USH2A: variants seen among roughly 807,000 people sequenced by gnomAD.
USH2A encodes Usher syndrome 2A (autosomal recessive, mild).
A neutral mutation model predicts 538.9 loss-of-function variants in USH2A; 443 were observed. The ratio of observed to expected loss-of-function variants is 0.82; its 90% CI spans 0.76 to 0.89. USH2A has a LOEUF of 0.89. USH2A is among the 40% of genes least tolerant of loss of function. The pLI, the probability that USH2A is intolerant of heterozygous loss-of-function variation, is 0.00. For synonymous variants in USH2A, 2,413 were observed against 2,273.5 expected (o/e 1.06, Z -1.75); for missense variants, 6,633 against 6,324.8 (o/e 1.05, Z -1.65).
intron 14 of USH2A, among the ~76,000 whole-genome samples, chr1:216,230,792 C>T (rs2035661054): frequency 6.6e-6 from 1 of 151,934 alleles, no homozygotes; most frequent in South Asian, 2.1e-4. Flanking sequence ...TTTCTGAGTT[C>T]AGCACACACT....
chr1:216,046,193 T>A (rs1370831514), intron 32 of USH2A, among the ~76,000 whole-genome samples: 1 of 152,054 alleles, frequency 6.6e-6, no homozygotes, highest in Non-Finnish European at 1.5e-5. Context: ...CTTTAAATCA[T>A]CTCTAGATTC....
intron 22 of USH2A, among the ~76,000 whole-genome samples, chr1:216,095,791 G>A (rs1250609134): frequency 2.6e-5 from 4 of 152,138 alleles, no homozygotes; most frequent in Non-Finnish European, 5.9e-5. Flanking sequence ...AATAGGCCCT[G>A]CCTTTTCTCT....
intron 44 of USH2A, among the ~76,000 whole-genome samples, chr1:215,864,936 A>G (rs1326753632): frequency 2.0e-5 from 3 of 152,208 alleles, no homozygotes; most frequent in East Asian, 1.9e-4. Flanking sequence ...GACAAAGACC[A>G]TGCTTTAAAA....
intron 3 of USH2A, among the ~76,000 whole-genome samples, chr1:216,389,104 G>T (rs1010856218): frequency 2.0e-5 from 3 of 152,150 alleles, no homozygotes; most frequent in Non-Finnish European, 1.5e-5. Context: ...GTTCTTGGAT[G>T]AAAGTGACTA....
At chr1:215,786,560 T>C in intron 52 of USH2A, 110 bp downstream of exon 52, 3 of 1,184,414 alleles carry the variant, frequency 2.5e-6, no homozygotes, top group Non-Finnish European at 3.7e-6. Flanking sequence ...TGATGGAATG[T>C]ACTGATATCA....
At chr1:216,028,591 T>G (rs758015013) in intron 32 of USH2A, among the ~76,000 whole-genome samples, 2 of 151,944 alleles carry the variant, frequency 1.3e-5, no homozygotes, top group Non-Finnish European at 2.9e-5. Context: ...TGACTACAAG[T>G]TTTAAAAATG....
chr1:216,357,145 T>G (rs1408759612), intron 4 of USH2A, among the ~76,000 whole-genome samples: 1 of 152,132 alleles, frequency 6.6e-6, no homozygotes, highest in Non-Finnish European at 1.5e-5. Flanking sequence ...TTTTAATTAA[T>G]CAGCAGTTTT....
At chr1:216,043,361 T>C (rs2030371592) in intron 32 of USH2A, among the ~76,000 whole-genome samples, 1 of 152,134 alleles carries the variant, frequency 6.6e-6, no homozygotes, top group Middle Eastern at 3.4e-3. Flanking sequence ...GCTTCATATC[T>C]TAAACTATTT....
At position 216,403,980 on chromosome 1, in the gene USH2A, C is replaced by T. The variant is rs185957703; in HGVS notation, c.651+14534G>A. Among the ~76,000 whole-genome samples the T allele has an allele frequency of 3.0e-3, 459 of 152,284 alleles. 7 individuals are homozygous for T. Among genetic ancestry groups the T allele is most frequent in the Non-Finnish European group, 2.3e-3 (158 of 68,024 alleles). ...GAGGAAGGTCCTTGCTTTCCCTTCA[C>T]CTTCCACCATGATTGTAAGTTTCCT... On this transcript the variant is annotated intron_variant, in intron 3 of 71. Transcript: ENST00000307340.
chr1:216,106,998 TAAATA>T (rs1407757029), intron 21 of USH2A, among the ~76,000 whole-genome samples: 3 of 151,852 alleles, frequency 2.0e-5, no homozygotes, highest in Admixed American at 2.0e-4. Flanking sequence ...TTCAACTTTT[TAAATA>T]TATTAAGATT....
At chr1:216,027,583 A>G (rs1669000530) in intron 32 of USH2A, among the ~76,000 whole-genome samples, 1 of 152,158 alleles carries the variant, frequency 6.6e-6, no homozygotes, top group South Asian at 2.1e-4. Context: ...ATTCCAGTTT[A>G]TGTTTCATCA....
At chr1:216,133,666 A>C (rs2033423838) in intron 21 of USH2A, among the ~76,000 whole-genome samples, 1 of 152,020 alleles carries the variant, frequency 6.6e-6, no homozygotes, top group Non-Finnish European at 1.5e-5. Flanking sequence ...TGCTCCACAA[A>C]CCCATTATGT....
At chr1:216,234,843 A>G (rs2035774809) in intron 13 of USH2A, among the ~76,000 whole-genome samples, 1 of 152,098 alleles carries the variant, frequency 6.6e-6, no homozygotes, top group African/African-American at 2.4e-5. Context: ...GGAATAAAGA[A>G]TGTCACAGAA....
chr1:215,630,879 CTT>C (rs1656261701), intron 70 of USH2A, among the ~76,000 whole-genome samples: 1 of 150,080 alleles, frequency 6.7e-6, no homozygotes, highest in African/African-American at 2.4e-5. Context: ...AAAAAAAAAC[CTT>C]GGTGAGTGGA....
At chr1:215,889,605 C>T (rs1216033349) in intron 40 of USH2A, among the ~76,000 whole-genome samples, 1 of 152,094 alleles carries the variant, frequency 6.6e-6, no homozygotes, top group Non-Finnish European at 1.5e-5. Flanking sequence ...CGATTTTTTA[C>T]TGTGGCTGTG....
At position 216,190,476 on chromosome 1, in the gene USH2A, G is replaced by A. The variant is rs571781889; in HGVS notation, c.4252-109C>T. On this transcript the variant is annotated intron_variant, in intron 19 of 71. Transcript: ENST00000307340. ...ATGAATTCAGACAGAGGGAATTATT[G>A]CCAACCACCATTAGGAAAAGGGTTT... 321 of 1,411,830 alleles carry A rather than the reference G, an allele frequency of 2.3e-4. 1 individual carries two copies. Among genetic ancestry groups the A allele is most frequent in the Non-Finnish European group, 5.7e-5 (59 of 1,039,422 alleles). 87.5% of individuals were successfully genotyped at this position (1,411,830 alleles called of 1,614,324 possible). A position where few individuals can be genotyped will look rare whatever the true frequency, so the allele number is the denominator to read the frequency against.
chr1:216,330,251 G>C (rs1457254060), intron 4 of USH2A, among the ~76,000 whole-genome samples: 1 of 152,090 alleles, frequency 6.6e-6, no homozygotes, highest in Non-Finnish European at 1.5e-5. Context: ...AAATACCCTT[G>C]CTTTTATGGA....
intron 18 of USH2A, among the ~76,000 whole-genome samples, chr1:216,197,966 A>T (rs758696238): frequency 2.0e-5 from 3 of 152,198 alleles, no homozygotes; most frequent in Non-Finnish European, 4.4e-5. Context: ...AACATAAATT[A>T]GGCTGTATAT....
chr1:216,275,596 A>G (rs1254209908), intron 11 of USH2A, among the ~76,000 whole-genome samples: 1 of 152,128 alleles, frequency 6.6e-6, no homozygotes, highest in Non-Finnish European at 1.5e-5. Flanking sequence ...AGAGGAAGGT[A>G]TCCATCTGAG....
Sources: gnomAD v4.1 joint callset for allele counts (sites outside exome capture counted in the v4.1 genomes callset) on GRCh38, gnomAD v4.1.1 for gene constraint, MANE v1.5 for transcripts, NCBI Gene and HGNC (gene_info 2026-07-23, HGNC 2026-07-21) for gene names.